Variants in MNX1 observed in about 807,000 individuals in gnomAD.
The protein encoded by MNX1 is motor neuron and pancreas homeobox 1, also known as motor neuron and pancreas homeobox protein 1.
In MNX1, 2 loss-of-function variants were observed where a neutral mutation model predicts 17.3. That is an observed-to-expected ratio of 0.12 (90% CI 0.05 to 0.36). The LOEUF (loss-of-function observed/expected upper bound fraction) is 0.36, where lower values mean the gene tolerates loss of function less well. Among genes scored for constraint, MNX1 ranks in the 10% least tolerant of loss-of-function variants. The pLI, the probability that MNX1 is intolerant of heterozygous loss-of-function variation, is 1.00. For missense variants in MNX1, 556 were observed against 564.7 expected, an observed-to-expected ratio of 0.98 and a Z score of 0.16; for synonymous variants, 306 against 283.1, an observed-to-expected ratio of 1.08 and a Z score of -0.81.
intron 1 of MNX1, chr7:157,009,333 G>GCT: frequency 7.1e-7 from 1 of 1,412,982 alleles, no homozygotes; most frequent in Non-Finnish European, 9.2e-7. Context: ...AATTCAGGGC[G>GCT]CTCTCGGCTC....
In MNX1 at chr7:157,010,170, C is replaced by A. The variant is rs1226940346; in HGVS notation, c.181G>T (p.Ala61Ser). 1 of 1,154,600 alleles carries A rather than the reference C, an allele frequency of 8.7e-7. No homozygotes were observed. The highest frequency in any genetic ancestry group is 1.1e-6 in the Non-Finnish European group (1 of 936,682). The allele number at this position is 1,154,600 out of a possible 1,614,324, so 71.5% of individuals were successfully genotyped here. The change falls in exon 1 of 3, where the codon GCG (alanine) becomes TCG (serine). Residue 61 changes from alanine to serine, a missense_variant. Physicochemically the swap from Ala to Ser is moderately conservative, Grantham distance 99 (BLOSUM62 1). Around this residue, in one of 7 missense-constraint regions of MNX1, gnomAD observed 115 missense variants for 103.5 expected, o/e 1.11. Transcript: ENST00000252971. Reference protein sequence around the residue: ...SGGTSGSCSPASSEPPAAPAD... With the variant: ...SGGTSGSCSPSSSEPPAAPAD... ...GGCGCAGCCGGCGGCTCCGAGGACGCGGGGCTGCAGCTGCCGCTAGTCCCG... is the reference window on the plus strand; with the variant it reads ...GGCGCAGCCGGCGGCTCCGAGGACGAGGGGCTGCAGCTGCCGCTAGTCCCG...
Position 157,010,370 on chromosome 7 carries a change from G to T in MNX1, c.-20C>A. On this transcript the variant is annotated 5_prime_UTR_variant, in exon 1 of 3. Coordinates refer to ENST00000252971, the MANE Select transcript of MNX1 (RefSeq NM_005515.4). ...TTCCATCGGCTCGTTTGGGGCTGGC[G>T]CTCAGGGCCCGGTGGCGGGCGACGC... 1 of 1,560,870 alleles carries T rather than the reference G, an allele frequency of 6.4e-7. No homozygotes were observed. Among genetic ancestry groups the T allele is most frequent in the East Asian group, 2.5e-5 (1 of 40,678 alleles).
rs1209820683 is a variant in MNX1, at chr7:157,006,106, A to G, written c.853-233T>C. ...CTGGAGCTCCGTGGGAGCTAGGACT[A>G]TGTCCCCAACGACCCAGGCCGGGGA... On this transcript the variant is annotated intron_variant, in intron 2 of 2. Transcript: ENST00000252971. This position sits in a 1 kb window ranked among gnomAD's most constrained non-coding sequence, Gnocchi z 6.3. Among the ~76,000 whole-genome samples, 1 of 152,044 alleles carries G rather than the reference A, an allele frequency of 6.6e-6. No homozygotes were observed. The highest frequency in any genetic ancestry group is 1.5e-5 in the Non-Finnish European group (1 of 67,988).
At chr7:157,009,139 C>CGG in intron 1 of MNX1, 6 of 1,525,520 alleles carry the variant, frequency 3.9e-6, no homozygotes, top group South Asian at 2.4e-5. Flanking sequence ...TGGTAAGAGC[C>CGG]GGGGGTTCCC....
rs566911022 is a variant in MNX1 at position 157,005,831 on chromosome 7, T to A, written c.895A>T (p.Ser299Cys). 6.8e-5 allele frequency: 109 copies of A among 1,612,418 alleles called. No homozygotes were observed. In the South Asian group the frequency reaches 1.1e-3, roughly 17 times the overall value. Reference sequence around the variant, plus strand: ...GCCGCCTGCTCTTTGGCCTTTTTGCTGCGTTTCCATTTCATCCGCCGGTTC... The same window carrying A: ...GCCGCCTGCTCTTTGGCCTTTTTGCAGCGTTTCCATTTCATCCGCCGGTTC... ...FQNRRMKWKRSKKAKEQAAQE... is the reference protein window; with the variant it reads ...FQNRRMKWKRCKKAKEQAAQE... The change falls in exon 3 of 3, where the codon AGC becomes TGC. Residue 299 changes from serine (S) to cysteine (C), a missense_variant. By Grantham distance (112) the Ser-to-Cys change is moderately radical. Transcript: ENST00000252971.
chr7:157,009,224 C>G, intron 1 of MNX1: 1 of 1,437,080 alleles, frequency 7.0e-7, no homozygotes, highest in South Asian at 1.5e-5. Context: ...ACTCCCTCTC[C>G]CTGGAGGGGC....
rs1170279894 is a variant in MNX1, at chr7:157,005,447, G to GCGCCGGGGCCTCCGGGAGAAGC, written c.*51_*72dup. 9.1e-7 allele frequency: 1 copy of GCGCCGGGGCCTCCGGGAGAAGC among 1,099,286 alleles called. No individual in the cohort carries two copies. Among genetic ancestry groups the GCGCCGGGGCCTCCGGGAGAAGC allele is most frequent in the African/African-American group, 1.6e-5 (1 of 60,728 alleles). 68.1% of individuals were successfully genotyped at this position (1,099,286 alleles called of 1,614,324 possible). ...TCGGGGCCGGGCCGGGTGGGTGCGG[G>GCGCCGGGGCCTCCGGGAGAAGC]CGCCGGGGCCTCCGGGAGAAGCCGC... On this transcript the variant is annotated 3_prime_UTR_variant, in exon 3 of 3. Coordinates refer to ENST00000252971, the MANE Select transcript of MNX1 (RefSeq NM_005515.4).
Position 157,005,733 on chromosome 7 carries a change from C to G in MNX1, c.993G>C (p.Glu331Asp). The change falls in exon 3 of 3, where the codon GAG becomes GAC. Residue 331 changes from glutamate to aspartate, a missense_variant. Transcript: ENST00000252971. ...GKGGAEEPGA[E>D]ELLGPPAPGD... is the part of the protein sequence containing the mutation. ...CGGGCGCTGGCGGCCCCAGCAGCTC[C>G]TCGGCTCCCGGCTCCTCCGCGCCGC... 1 of 1,609,698 alleles carries G rather than the reference C, an allele frequency of 6.2e-7. No homozygotes were observed. The highest frequency in any genetic ancestry group is 8.5e-7 in the Non-Finnish European group (1 of 1,179,316).
chr7:157,006,323 T>C lies in MNX1; in HGVS notation c.852+156A>G. ...TTGGGCCCCACCCGAAGCTACTGAA[T>C]CGGCGCTCTGGGCACCTTAGATGAA... is the stretch of plus-strand genomic sequence containing the variant. On this transcript the variant is annotated intron_variant, in intron 2 of 2. Transcript: ENST00000252971. The surrounding 1 kb of genome is among the most constrained non-coding windows in gnomAD (Gnocchi z 6.3). 1.3e-6 allele frequency: 1 copy of C among 766,404 alleles called. No homozygotes were observed. The highest frequency in any genetic ancestry group is 1.8e-5 in the South Asian group (1 of 54,094). The allele number at this position is 766,404 out of a possible 1,614,324, so 47.5% of individuals were successfully genotyped here.
At position 157,006,456 on chromosome 7, in the gene MNX1, T is replaced by G; in HGVS notation, c.852+23A>C. The stretch of plus-strand genomic sequence containing the variant: ...GTGTCCCCTGGGAGGCCGGGATGCG[T>G]CGGGGGCGGGGAGGGCGCGCACCTG... On this transcript the variant is annotated intron_variant, in intron 2 of 2. Transcript: ENST00000252971. The surrounding 1 kb of genome is among the most constrained non-coding windows in gnomAD (Gnocchi z 6.3). 6.2e-7 allele frequency: 1 copy of G among 1,604,256 alleles called. No individual in the cohort carries two copies. Among genetic ancestry groups the G allele is most frequent in the Non-Finnish European group, 8.5e-7 (1 of 1,177,416 alleles).
In MNX1 at chr7:157,009,951, C is replaced by CGGCGGT; in HGVS notation, c.399_400insACCGCC (p.Ala133_Ala134insThrAla). 1.1e-6 allele frequency: 1 copy of CGGCGGT among 933,870 alleles called. No homozygotes were observed. Among genetic ancestry groups the CGGCGGT allele is most frequent in the Non-Finnish European group, 1.3e-6 (1 of 788,168 alleles). 57.8% of individuals were successfully genotyped at this position (933,870 alleles called of 1,614,324 possible). ...TGCAGCCCCAGCGCCAGGCCCCCAGCGGCGGCGGCGGCGGCGGCGGCGGCG... is the reference window on the plus strand; with the variant it reads ...TGCAGCCCCAGCGCCAGGCCCCCAGCGGCGGTGGCGGCGGCGGCGGCGGCGGCGGCG... On this transcript the variant is annotated inframe_insertion, in exon 1 of 3. Transcript: ENST00000252971.
In MNX1 at chr7:157,006,779, C is replaced by T. The variant is rs1805608242; in HGVS notation, c.692-140G>A. The T allele has an allele frequency of 1.2e-6, 1 of 838,640 alleles. No homozygotes were observed. The highest frequency in any genetic ancestry group is 1.8e-6 in the Non-Finnish European group (1 of 555,656). 51.9% of individuals were successfully genotyped at this position (838,640 alleles called of 1,614,324 possible). ...GAGGGCGGGGCTGTTCCCTCACTAT[C>T]AGTGCCCACTCCCCAAGGAATGCGG... On this transcript the variant is annotated intron_variant, in intron 1 of 2. Coordinates refer to ENST00000252971, the MANE Select transcript of MNX1 (RefSeq NM_005515.4). This position sits in a 1 kb window ranked among gnomAD's most constrained non-coding sequence, Gnocchi z 6.3.
At position 157,010,225 on chromosome 7, in the gene MNX1, T is replaced by C. The variant is rs536068265; in HGVS notation, c.126A>G (p.Gly42=). ...TCGCCCCGCCGCCGCCGCCGCCACC[T>C]CCGGTGCCAGATGCGGCGGCGGCGA... ...TSLAAAASGT[G]GGGGGGGASG... The change falls in exon 1 of 3, where the codon GGA becomes GGG. Residue 42 remains glycine, a synonymous_variant. Coordinates refer to ENST00000252971, the MANE Select transcript of MNX1 (RefSeq NM_005515.4). The C allele has an allele frequency of 1.6e-4, 210 of 1,282,402 alleles. 3 individuals carry two copies. In the South Asian group the frequency reaches 4.9e-3, roughly 30 times the overall value. The allele number at this position is 1,282,402 out of a possible 1,614,324, so 79.4% of individuals were successfully genotyped here.
chr7:157,008,765 C>G, intron 1 of MNX1: 1 of 581,344 alleles, frequency 1.7e-6, no homozygotes, highest in Non-Finnish European at 3.1e-6. Context: ...CTGCTCGGCC[C>G]GACTCATAAG....
At chr7:157,009,125 G>A (rs1369811177) in intron 1 of MNX1, 2 of 1,532,844 alleles carry the variant, frequency 1.3e-6, no homozygotes, top group East Asian at 2.5e-5. Context: ...GGAGGGCAGC[G>A]CCCTGGTAAG....
rs918984767 is a variant in MNX1 at position 157,009,328 on chromosome 7, A to T, written c.691+332T>A. 7.1e-6 allele frequency: 10 copies of T among 1,414,136 alleles called. No homozygotes were observed. In the African/African-American group the frequency reaches 1.5e-4, roughly 21 times the overall value. 87.6% of individuals were successfully genotyped at this position (1,414,136 alleles called of 1,614,324 possible). A position where few individuals can be genotyped will look rare whatever the true frequency, so the allele number is the denominator to read the frequency against. ...CCCCATTCCCGGGCCTGCCTAATTC[A>T]GGGCGCTCTCGGCTCGCCTTCCCCC... On this transcript the variant is annotated intron_variant, in intron 1 of 2. Coordinates refer to ENST00000252971, the MANE Select transcript of MNX1 (RefSeq NM_005515.4).
At chr7:157,005,903 G>A in intron 2 of MNX1, 30 bp from the exon 3 acceptor site, 2 of 1,607,330 alleles carry the variant, frequency 1.2e-6, no homozygotes, top group South Asian at 1.1e-5. Flanking sequence ...TGAGAAACCG[G>A]CCACCGCCAC....
Position 157,006,795 on chromosome 7 carries a change from A to G in MNX1, c.692-156T>C. ...CCTCACTATCAGTGCCCACTCCCCA[A>G]GGAATGCGGACTCAGGACCACCAAG... On this transcript the variant is annotated intron_variant, in intron 1 of 2. Transcript: ENST00000252971. The surrounding 1 kb of genome is among the most constrained non-coding windows in gnomAD (Gnocchi z 6.3). 4.2e-6 allele frequency: 3 copies of G among 709,582 alleles called. No homozygotes were observed. The South Asian group carries it at 6.1e-5, about 14-fold the overall frequency. The allele number at this position is 709,582 out of a possible 1,614,324, so 44.0% of individuals were successfully genotyped here.
chr7:157,006,222 T>C lies in MNX1; in HGVS notation c.852+257A>G. The C allele has an allele frequency of 6.8e-6, 4 of 584,570 alleles. No homozygotes were observed. Among genetic ancestry groups the C allele is most frequent in the Non-Finnish European group, 1.2e-5 (4 of 330,318 alleles). 36.2% of individuals were successfully genotyped at this position (584,570 alleles called of 1,614,324 possible). A position where few individuals can be genotyped will look rare whatever the true frequency, so the allele number is the denominator to read the frequency against. ...CTCAGGATGTTCCCTCCTCTCTTTC[T>C]GGAACAAAATTTCTCGAATGCGGCC... On this transcript the variant is annotated intron_variant, in intron 2 of 2. Transcript: ENST00000252971. The surrounding 1 kb of genome is among the most constrained non-coding windows in gnomAD (Gnocchi z 6.3).
Sources: gnomAD v4.1 joint callset for allele counts (sites outside exome capture counted in the v4.1 genomes callset) on GRCh38, gnomAD v4.1.1 for gene constraint, gnomAD v4.1.1 regional missense constraint, Gnocchi (gnomAD v3.1) non-coding constraint, MANE v1.5 for transcripts, NCBI Gene and HGNC (gene_info 2026-07-23, HGNC 2026-07-21) for gene names.